RHOBTB2: variants seen among roughly 807,000 people sequenced by gnomAD.
The protein encoded by RHOBTB2 is Rho related BTB domain containing 2.
A neutral mutation model predicts 66.5 loss-of-function variants in RHOBTB2; 39 were observed. That is an observed-to-expected ratio of 0.59 (90% CI 0.45 to 0.77). The LOEUF (loss-of-function observed/expected upper bound fraction) is 0.77. Among genes scored for constraint, RHOBTB2 ranks in the 30% least tolerant of loss-of-function variants. The pLI is 0.00. For synonymous variants in RHOBTB2, 390 were observed against 395.0 expected, an observed-to-expected ratio of 0.99 and a Z score of 0.15; for missense variants, 755 against 999.1, an observed-to-expected ratio of 0.76 and a Z score of 3.29.
the RHOBTB2 span, among the ~76,000 whole-genome samples, chr8:22,953,822 C>T: frequency 6.6e-6 from 1 of 152,160 alleles, no homozygotes; most frequent in Non-Finnish European, 1.5e-5. Context: ...TGTTGAAAAG[C>T]TTCCTGTAAT....
chr8:22,958,918 G>A, the RHOBTB2 span, among the ~76,000 whole-genome samples: 1 of 151,616 alleles, frequency 6.6e-6, no homozygotes, highest in African/African-American at 2.4e-5. Flanking sequence ...CAAACACAGT[G>A]GCCACACTCT....
upstream of RHOBTB2, among the ~76,000 whole-genome samples, chr8:22,994,890 C>T (rs913680005): frequency 2.0e-5 from 3 of 152,088 alleles, no homozygotes; most frequent in South Asian, 4.1e-4. Flanking sequence ...CTCAGCCTCC[C>T]GAGTAGCTGG....
At chr8:22,979,710 C>CTTTTTTT in the RHOBTB2 span, among the ~76,000 whole-genome samples, 1 of 137,742 alleles carries the variant, frequency 7.3e-6, no homozygotes, top group Non-Finnish European at 1.6e-5. Flanking sequence ...TTTCTTTTTT[C>CTTTTTTT]TTTTTTCTTT....
the RHOBTB2 span, among the ~76,000 whole-genome samples, chr8:22,976,294 G>A: frequency 6.6e-6 from 1 of 152,220 alleles, no homozygotes; most frequent in Non-Finnish European, 1.5e-5. Flanking sequence ...ACGACAGCCA[G>A]TGGGTATCAC....
At position 23,007,259 on chromosome 8, in the gene RHOBTB2, C is replaced by A. The variant is rs200943704; in HGVS notation, c.1014C>A (p.Phe338Leu). The A allele has an allele frequency of 6.2e-7, 1 of 1,612,728 alleles. No individual in the cohort carries two copies. The highest frequency in any genetic ancestry group is 2.2e-5 in the East Asian group (1 of 44,880). Reference protein sequence around the residue: ...HHHHHHHGRDFLLRAASFDVC... With the variant: ...HHHHHHHGRDLLLRAASFDVC... Reference sequence around the variant, plus strand: ...ACCACCACCACCATGGGCGAGACTTCCTGCTCCGAGCAGCCAGCTTTGACG... The same window carrying A: ...ACCACCACCACCATGGGCGAGACTTACTGCTCCGAGCAGCCAGCTTTGACG... The change falls in exon 5 of 10, where the codon TTC becomes TTA. Residue 338 changes from phenylalanine to leucine, a missense_variant. Coordinates refer to ENST00000251822, the MANE Select transcript of RHOBTB2 (RefSeq NM_015178.3).
chr8:23,003,256 T>C (rs1266253670), intron 1 of RHOBTB2, among the ~76,000 whole-genome samples: 8 of 152,234 alleles, frequency 5.3e-5, no homozygotes, highest in African/African-American at 1.9e-4. Context: ...CAGGGCCTCC[T>C]GGCGACAGAT....
intron 1 of RHOBTB2, among the ~76,000 whole-genome samples, chr8:22,988,790 G>A (rs1406652854): frequency 6.6e-6 from 1 of 152,170 alleles, no homozygotes; most frequent in Non-Finnish European, 1.5e-5. Context: ...CTGGCTTTTG[G>A]AAGGGTTGGG....
At position 23,020,075 on chromosome 8, in the gene RHOBTB2, C is replaced by CA; in HGVS notation, c.*2607dup. ...AGCACAGCCCTGGTTTCCTGTCACT[C>CA]AGAGCTGATTCACAGGAGGAGGGGA... On this transcript the variant is annotated 3_prime_UTR_variant, in exon 10 of 10. Transcript: ENST00000251822. 1 of 361,330 alleles carries CA rather than the reference C, an allele frequency of 2.8e-6. No individual in the cohort carries two copies. The highest frequency in any genetic ancestry group is 2.1e-5 in the South Asian group (1 of 46,726). The allele number at this position is 361,330 out of a possible 1,614,324, so 22.4% of individuals were successfully genotyped here. A position where few individuals can be genotyped will look rare whatever the true frequency, so the allele number is the denominator to read the frequency against.
At chr8:22,989,950 G>A (rs1189148809) in intron 1 of RHOBTB2, among the ~76,000 whole-genome samples, 1 of 152,152 alleles carries the variant, frequency 6.6e-6, no homozygotes, top group Non-Finnish European at 1.5e-5. Flanking sequence ...TTCCTTCTCT[G>A]CCAAATGCGG....
chr8:22,966,759 T>G, the RHOBTB2 span, among the ~76,000 whole-genome samples: 13 of 152,188 alleles, frequency 8.5e-5, no homozygotes, highest in Admixed American at 2.6e-4. Flanking sequence ...TTTAGAATCT[T>G]GTTTTTCCTA....
the RHOBTB2 span, among the ~76,000 whole-genome samples, chr8:22,976,642 T>G: frequency 4.6e-5 from 7 of 152,318 alleles, no homozygotes; most frequent in South Asian, 1.5e-3. Flanking sequence ...ACTTTTTTTT[T>G]TCTGATACAG....
intron 9 of RHOBTB2, among the ~76,000 whole-genome samples, chr8:23,016,326 C>T (rs890001773): frequency 6.6e-6 from 1 of 152,192 alleles, no homozygotes; most frequent in Non-Finnish European, 1.5e-5. Flanking sequence ...TGACCCTCCT[C>T]CCTGCTGCCG....
chr8:23,011,055 C>A (rs1342924443), intron 7 of RHOBTB2, among the ~76,000 whole-genome samples: 1 of 152,184 alleles, frequency 6.6e-6, no homozygotes, highest in Non-Finnish European at 1.5e-5. Context: ...CATGGTCTTA[C>A]CCGTCATGGC....
rs778327025 is a variant in RHOBTB2 at position 23,007,063 on chromosome 8, A to G, written c.818A>G (p.Gln273Arg). 1 of 1,610,638 alleles carries G rather than the reference A, an allele frequency of 6.2e-7. No individual in the cohort carries two copies. Among genetic ancestry groups the G allele is most frequent in the South Asian group, 1.1e-5 (1 of 90,856 alleles). ...PLCADVILVL[Q>R]ERVRIFAHKI... ...TGCGCGGACGTCATCCTGGTGCTGC[A>G]GGAGCGGGTGCGCATCTTTGCCCAC... Residue 273 changes from glutamine (Q) to arginine (R), a missense_variant, in exon 5 of 10, where the codon CAG becomes CGG. By Grantham distance (43) the Gln-to-Arg change is conservative. Transcript: ENST00000251822.
upstream of RHOBTB2, among the ~76,000 whole-genome samples, chr8:22,983,997 G>A (rs1810253020): frequency 6.6e-6 from 1 of 152,130 alleles, no homozygotes; most frequent in Admixed American, 6.5e-5. Context: ...ACCTCCCAAA[G>A]TGCTGGGATT....
At position 23,006,068 on chromosome 8, in the gene RHOBTB2, C is replaced by T. The variant is rs1016735291; in HGVS notation, c.405C>T (p.Val135=). Residue 135 remains valine (V), a synonymous_variant, in exon 4 of 10, where the codon GTC becomes GTT. Transcript: ENST00000251822. This position sits in a 1 kb window ranked among gnomAD's most constrained non-coding sequence, Gnocchi z 6.1. ...EIKHFCPRAP[V]ILVGCQLDLR... Reference sequence around the variant, plus strand: ...AGCACTTCTGCCCCCGAGCACCTGTCATCTTGGTGGGCTGCCAGTTGGACC... The same window carrying T: ...AGCACTTCTGCCCCCGAGCACCTGTTATCTTGGTGGGCTGCCAGTTGGACC... 1.9e-6 allele frequency: 3 copies of T among 1,614,052 alleles called. No individual in the cohort carries two copies. Among genetic ancestry groups the T allele is most frequent in the Admixed American group, 1.7e-5 (1 of 59,996 alleles).
chr8:23,011,509 G>T (rs953624354), intron 7 of RHOBTB2, among the ~76,000 whole-genome samples: 3 of 152,124 alleles, frequency 2.0e-5, no homozygotes, highest in Non-Finnish European at 2.9e-5. Flanking sequence ...GTCCCTGCAC[G>T]GATTGTACGA....
chr8:22,972,231 T>C, the RHOBTB2 span, among the ~76,000 whole-genome samples: 1 of 152,182 alleles, frequency 6.6e-6, no homozygotes, highest in South Asian at 2.1e-4. Flanking sequence ...TCATGACACA[T>C]GTAGGGGCTC....
chr8:22,955,781 G>A, the RHOBTB2 span, among the ~76,000 whole-genome samples: 1 of 151,986 alleles, frequency 6.6e-6, no homozygotes, highest in Non-Finnish European at 1.5e-5. Context: ...TGTTGGCCAA[G>A]CTGATCTCAA....
Sources: gnomAD v4.1 joint callset for allele counts (sites outside exome capture counted in the v4.1 genomes callset) on GRCh38, gnomAD v4.1.1 for gene constraint, Gnocchi (gnomAD v3.1) non-coding constraint, MANE v1.5 for transcripts, NCBI Gene and HGNC (gene_info 2026-07-23, HGNC 2026-07-21) for gene names.